The following FBXO6 variants were observed in gnomAD, a reference collection of about 807,000 sequenced individuals.
The protein encoded by FBXO6 is F-box only protein 6.
FBXO6 carries 13 observed loss-of-function variants against 25.0 expected under a neutral mutation model. That is an observed-to-expected ratio of 0.52 (90% CI 0.34 to 0.83). The LOEUF (loss-of-function observed/expected upper bound fraction) is 0.83, where lower values mean the gene tolerates loss of function less well. Ranked by LOEUF, FBXO6 falls within the 40% of genes least tolerant of loss-of-function variation. FBXO6 has a pLI of 0.02. For missense variants in FBXO6, 370 were observed against 380.2 expected (o/e 0.97, Z 0.22); for synonymous variants, 138 against 155.3 (o/e 0.89, Z 0.83).
At chr1:11,668,401 G>GT (rs58492433) in intron 1 of FBXO6, among the ~76,000 whole-genome samples, 44,311 of 142,494 alleles carry the variant, frequency 0.31, 6,977 homozygotes, top group Middle Eastern at 0.41. Flanking sequence ...TCTTTTGTGG[G>GT]TTTTTTTTTT....
chr1:11,671,199 A>C, intron 2 of FBXO6, 67 bp from the exon 3 acceptor site: 5 of 1,567,400 alleles, frequency 3.2e-6, no homozygotes, highest in Non-Finnish European at 2.6e-6. Flanking sequence ...CCCTCCTGGG[A>C]CTAAGTGGGG....
intron 2 of FBXO6, among the ~76,000 whole-genome samples, chr1:11,670,615 T>A (rs1351476203): frequency 7.6e-6 from 1 of 132,016 alleles, no homozygotes; most frequent in Non-Finnish European, 1.6e-5. Flanking sequence ...TTTTAAAAAA[T>A]TATTTTACTT....
intron 1 of FBXO6, 38 bp downstream of exon 1, chr1:11,664,293 A>T (rs1640333602): frequency 6.7e-6 from 1 of 148,718 alleles, no homozygotes; most frequent in South Asian, 2.2e-4. Flanking sequence ...GGCCGGGCCG[A>T]GAGGGACGGC....
chr1:11,669,436 C>A lies in FBXO6; in HGVS notation c.286+492C>A, dbSNP rs991705932. On this transcript the variant is annotated intron_variant, in intron 2 of 5. Transcript: ENST00000376753. Reference sequence around the variant, plus strand: ...CCGAGATGGCTCCATTGCACTCCAGCCTGGGTGACAAGAGTGAAACTTTTA... The same window carrying A: ...CCGAGATGGCTCCATTGCACTCCAGACTGGGTGACAAGAGTGAAACTTTTA... 2.6e-5 allele frequency among the ~76,000 whole-genome samples: 4 copies of A among 151,634 alleles called. No individual in the cohort carries two copies. In the East Asian group the frequency reaches 7.7e-4, roughly 29 times the overall value.
At chr1:11,671,874 G>A (rs1205994479) in intron 3 of FBXO6, 54 bp from the exon 4 acceptor site, 1 of 1,499,272 alleles carries the variant, frequency 6.7e-7, no homozygotes, top group Admixed American at 1.7e-5. Context: ...TGGGTGAGGG[G>A]GGGGGCCATG....
intron 1 of FBXO6, among the ~76,000 whole-genome samples, chr1:11,667,236 G>C (rs1640466419): frequency 6.6e-6 from 1 of 152,076 alleles, no homozygotes; most frequent in Non-Finnish European, 1.5e-5. Context: ...TGTGTAAGCA[G>C]ATGAGGCCCA....
chr1:11,666,037 C>CTTTTTTT (rs70983580), intron 1 of FBXO6, among the ~76,000 whole-genome samples: 48 of 97,338 alleles, frequency 4.9e-4, no homozygotes, highest in Non-Finnish European at 7.0e-4. Context: ...TTTCTTTTCT[C>CTTTTTTT]TTTTTTTTTT....
chr1:11,673,693 T>TGG lies in FBXO6; in HGVS notation c.726_727dup (p.Ala243GlyfsTer20). ...GCATGGGGGCAGGGACACCCAGTAC[T>TGG]GGGCAGGCTGGTATGGGCCCCGAGT... On this transcript the variant is annotated frameshift_variant, in exon 6 of 6. Transcript: ENST00000376753. LOFTEE classifies it low-confidence loss of function (END_TRUNC). The surrounding 1 kb of genome is among the most constrained non-coding windows in gnomAD (Gnocchi z 4.3). The TGG allele has an allele frequency of 1.2e-6, 2 of 1,614,072 alleles. No individual in the cohort carries two copies. The highest frequency in any genetic ancestry group is 2.2e-5 in the South Asian group (2 of 91,078).
chr1:11,671,070 C>A (rs1442443223), intron 2 of FBXO6, among the ~76,000 whole-genome samples, 196 bp from the exon 3 acceptor site: 1 of 152,108 alleles, frequency 6.6e-6, no homozygotes, highest in East Asian at 1.9e-4. Flanking sequence ...CTTGGCCACA[C>A]AATGCCCTTG....
chr1:11,666,306 A>T (rs1429913966), intron 1 of FBXO6, among the ~76,000 whole-genome samples: 1 of 151,614 alleles, frequency 6.6e-6, no homozygotes, highest in East Asian at 1.9e-4. Flanking sequence ...ACTCGCCACT[A>T]TGCCCGGCGA....
At chr1:11,666,130 T>A (rs1483099952) in intron 1 of FBXO6, among the ~76,000 whole-genome samples, 1 of 143,038 alleles carries the variant, frequency 7.0e-6, no homozygotes, top group Non-Finnish European at 1.5e-5. Context: ...TCCAGCAGGC[T>A]CCTTCTTTCC....
intron 2 of FBXO6, 29 bp from the exon 3 acceptor site, chr1:11,671,237 G>T (rs752661023): frequency 8.7e-6 from 14 of 1,608,886 alleles, no homozygotes; most frequent in Non-Finnish European, 1.2e-5. Context: ...TTACACAGGG[G>T]GTCTCACCTT....
chr1:11,669,145 CT>C (rs899803285), intron 2 of FBXO6, among the ~76,000 whole-genome samples: 4 of 152,234 alleles, frequency 2.6e-5, no homozygotes, highest in African/African-American at 9.6e-5. Flanking sequence ...CTCTCCACCT[CT>C]AGCATAGCAC....
At position 11,673,961 on chromosome 1, in the gene FBXO6, T is replaced by A; in HGVS notation, c.*110T>A. 2.2e-6 allele frequency: 2 copies of A among 903,498 alleles called. No homozygotes were observed. The highest frequency in any genetic ancestry group is 3.6e-6 in the Non-Finnish European group (2 of 561,416). The allele number at this position is 903,498 out of a possible 1,614,324, so 56.0% of individuals were successfully genotyped here. A position where few individuals can be genotyped will look rare whatever the true frequency, so the allele number is the denominator to read the frequency against. On this transcript the variant is annotated 3_prime_UTR_variant, in exon 6 of 6. Transcript: ENST00000376753. This position sits in a 1 kb window ranked among gnomAD's most constrained non-coding sequence, Gnocchi z 4.3. ...AGCGACTCCTGCCCCGGTTCAACCC[T>A]ACCAGCTTGTGGTAACTTACTGTCA...
intron 1 of FBXO6, among the ~76,000 whole-genome samples, chr1:11,667,176 C>A (rs1488045247): frequency 1.3e-5 from 2 of 151,668 alleles, no homozygotes; most frequent in Non-Finnish European, 2.9e-5. Flanking sequence ...AAAAAAGAGG[C>A]CAGCAAGGTT....
At chr1:11,669,635 TAC>T in intron 2 of FBXO6, among the ~76,000 whole-genome samples, 1 of 147,936 alleles carries the variant, frequency 6.8e-6, no homozygotes, top group African/African-American at 2.5e-5. Context: ...TACACATGTA[TAC>T]ATATATACAC....
Position 11,673,376 on chromosome 1 carries a change from G to A in FBXO6, c.609G>A (p.Val203=). 1 of 1,614,052 alleles carries A rather than the reference G, an allele frequency of 6.2e-7. No homozygotes were observed. Among genetic ancestry groups the A allele is most frequent in the Non-Finnish European group, 8.5e-7 (1 of 1,180,022 alleles). Residue 203 remains valine, a synonymous_variant, in exon 5 of 6, where the codon GTG becomes GTA. Transcript: ENST00000376753. This position sits in a 1 kb window ranked among gnomAD's most constrained non-coding sequence, Gnocchi z 4.3. ...FVLASFEPPP[V]TIQQWNNATW... is the part of the protein sequence containing the mutation. The stretch of plus-strand genomic sequence containing the variant: ...TGGCCTCCTTCGAGCCCCCACCTGT[G>A]ACCATCCAACAGTGGAACAATGCCA...
chr1:11,665,553 C>G (rs1377583600), intron 1 of FBXO6, among the ~76,000 whole-genome samples: 1 of 52,758 alleles, frequency 1.9e-5, no homozygotes, highest in South Asian at 6.3e-4. Flanking sequence ...CCGCGCCCGG[C>G]CTTTTTTTTT....
chr1:11,673,362 G>C lies in FBXO6; in HGVS notation c.595G>C (p.Glu199Gln), dbSNP rs777302213. The C allele has an allele frequency of 1.9e-6, 3 of 1,614,020 alleles. No individual in the cohort carries two copies. Among genetic ancestry groups the C allele is most frequent in the Non-Finnish European group, 8.5e-7 (1 of 1,180,004 alleles). ...TGACTACTTCGTGTTGGCCTCCTTC[G>C]AGCCCCCACCTGTGACCATCCAACA... ...SADYFVLASFEPPPVTIQQWN... is the reference protein window; with the variant it reads ...SADYFVLASFQPPPVTIQQWN... The change falls in exon 5 of 6, where the codon GAG becomes CAG. Residue 199 changes from glutamate to glutamine, a missense_variant. Glu to Gln is a conservative substitution (Grantham distance 29). Transcript: ENST00000376753. The surrounding 1 kb of genome is among the most constrained non-coding windows in gnomAD (Gnocchi z 4.3).
Sources: allele counts gnomAD v4.1 joint callset (sites outside exome capture counted in the v4.1 genomes callset), GRCh38; gene constraint gnomAD v4.1.1; non-coding constraint Gnocchi (gnomAD v3.1); transcripts MANE v1.5; gene names NCBI Gene and HGNC (gene_info 2026-07-23, HGNC 2026-07-21).